The following CDH4 variants were observed in gnomAD, a reference collection of about 807,000 sequenced individuals.
CDH4 encodes cadherin-4.
In CDH4, 33 loss-of-function variants were observed where a neutral mutation model predicts 86.0. That is an observed-to-expected ratio of 0.38 (90% confidence interval 0.29 to 0.51). The LOEUF (loss-of-function observed/expected upper bound fraction) is 0.51, where lower values mean the gene tolerates loss of function less well. CDH4 is among the 20% of genes least tolerant of loss of function. The pLI is 0.86. For synonymous variants in CDH4, 555 were observed against 549.4 expected, an observed-to-expected ratio of 1.01 and a Z score of -0.14; for missense variants, 1,114 against 1,307.4, an observed-to-expected ratio of 0.85 and a Z score of 2.28.
At chr20:61,588,344 G>A (rs1260213893) in intron 2 of CDH4, among the ~76,000 whole-genome samples, 2 of 152,202 alleles carry the variant, frequency 1.3e-5, no homozygotes, top group South Asian at 2.1e-4. Context: ...GATTTGCAAC[G>A]CTGGTCCTGC....
At chr20:61,813,414 T>C (rs1028185861) in intron 4 of CDH4, among the ~76,000 whole-genome samples, 2 of 152,188 alleles carry the variant, frequency 1.3e-5, no homozygotes, top group African/African-American at 2.4e-5. Context: ...AGCTGGGGGA[T>C]GAAGTGAGCA....
intron 2 of CDH4, among the ~76,000 whole-genome samples, chr20:61,699,980 T>C (rs1341307843): frequency 1.3e-5 from 2 of 152,164 alleles, no homozygotes; most frequent in Non-Finnish European, 1.5e-5. Flanking sequence ...TGTGAGCAGG[T>C]GGCTGCTGAG....
chr20:61,278,477 A>G (rs1343731950), intron 2 of CDH4, among the ~76,000 whole-genome samples: 1 of 152,202 alleles, frequency 6.6e-6, no homozygotes, highest in East Asian at 1.9e-4. Context: ...ATGCACCTTT[A>G]TCACGGTCCG....
chr20:61,461,619 C>T (rs566176509), intron 2 of CDH4, among the ~76,000 whole-genome samples: 1 of 152,150 alleles, frequency 6.6e-6, no homozygotes, highest in South Asian at 2.1e-4. Flanking sequence ...GGGAGGTGGC[C>T]CGCAACGGGG....
Position 61,703,718 on chromosome 20 carries a change from C to T in CDH4, c.170-39845C>T, listed in dbSNP as rs374689395. 5.9e-5 allele frequency among the ~76,000 whole-genome samples: 9 copies of T among 152,190 alleles called. No individual in the cohort carries two copies. Among genetic ancestry groups the T allele is most frequent in the South Asian group, 2.1e-4 (1 of 4,832 alleles). ...GCCCTGGTGATGAGGTGGCTCCACT[C>T]GGGGCAGGGTTGAGGCTTTCTGTGT... On this transcript the variant is annotated intron_variant, in intron 2 of 15. Transcript: ENST00000614565. The surrounding 1 kb of genome is among the most constrained non-coding windows in gnomAD (Gnocchi z 4.3).
At chr20:61,456,138 G>A (rs1166172165) in intron 2 of CDH4, among the ~76,000 whole-genome samples, 1 of 152,280 alleles carries the variant, frequency 6.6e-6, no homozygotes, top group East Asian at 1.9e-4. Context: ...TGGATAGATA[G>A]GTAGGTGGGT....
intron 2 of CDH4, among the ~76,000 whole-genome samples, chr20:61,436,135 G>A (rs73318343): frequency 0.074 from 11,280 of 152,130 alleles, 680 homozygotes; most frequent in African/African-American, 0.16. Flanking sequence ...TGCCCTCCTC[G>A]ACTAGGTCAG....
intron 2 of CDH4, among the ~76,000 whole-genome samples, chr20:61,688,522 G>A (rs577234736): frequency 5.9e-5 from 9 of 152,358 alleles, no homozygotes; most frequent in African/African-American, 1.7e-4. Context: ...CCCCTGGACC[G>A]CACTCTGGGC....
chr20:61,934,704 C>A (rs2055158245), intron 15 of CDH4, among the ~76,000 whole-genome samples: 1 of 152,042 alleles, frequency 6.6e-6, no homozygotes, highest in Admixed American at 6.5e-5. Context: ...GGTCTCAGGG[C>A]CCAGGCCAAC....
At chr20:61,719,141 C>A in intron 2 of CDH4, 1 of 470,620 alleles carries the variant, frequency 2.1e-6, no homozygotes, top group Non-Finnish European at 4.4e-6. Flanking sequence ...AATGGCTTTG[C>A]ATCTGAAAGC....
Position 61,890,430 on chromosome 20 carries a change from TGACGGGTG to T in CDH4, c.1051-4477_1051-4470del, listed in dbSNP as rs200338963. ...GATGGATGGATGATGGATGGATAGA[TGACGGGTG>T]GATGGATGGATGGATAAATGGATGA... On this transcript the variant is annotated intron_variant, in intron 7 of 15. Coordinates refer to ENST00000614565, the MANE Select transcript of CDH4 (RefSeq NM_001794.5). Among the ~76,000 whole-genome samples the T allele has an allele frequency of 2.0e-5, 3 of 148,048 alleles. No individual in the cohort carries two copies. The East Asian group carries it at 6.2e-4, about 30-fold the overall frequency.
intron 6 of CDH4, among the ~76,000 whole-genome samples, chr20:61,858,548 T>C (rs1983175376): frequency 6.6e-6 from 1 of 151,690 alleles, no homozygotes; most frequent in African/African-American, 2.4e-5. Flanking sequence ...TGTGTGTGTG[T>C]CTGTGTCTGC....
chr20:61,679,195 C>T (rs558413562), intron 2 of CDH4, among the ~76,000 whole-genome samples: 3 of 152,190 alleles, frequency 2.0e-5, no homozygotes, highest in African/African-American at 7.2e-5. Context: ...CAGCGTCCAC[C>T]TTCCATCTCT....
At chr20:61,817,411 G>A (rs898889701) in intron 4 of CDH4, among the ~76,000 whole-genome samples, 3 of 152,186 alleles carry the variant, frequency 2.0e-5, no homozygotes, top group Non-Finnish European at 4.4e-5. Flanking sequence ...CAGTTGGTCC[G>A]GGAAGGCTTC....
chr20:61,817,153 C>G (rs1302700194), intron 4 of CDH4, among the ~76,000 whole-genome samples: 3 of 152,248 alleles, frequency 2.0e-5, no homozygotes, highest in Non-Finnish European at 4.4e-5. Flanking sequence ...ATACCTCTAT[C>G]CCCTACATCC....
chr20:61,537,296 C>T (rs1338803010), intron 2 of CDH4, among the ~76,000 whole-genome samples: 1 of 152,168 alleles, frequency 6.6e-6, no homozygotes, highest in Non-Finnish European at 1.5e-5. Context: ...ACTTATCCTT[C>T]ATTGCTTGCA....
intron 2 of CDH4, among the ~76,000 whole-genome samples, chr20:61,668,863 T>G (rs2087355428): frequency 6.6e-6 from 1 of 152,190 alleles, no homozygotes; most frequent in African/African-American, 2.4e-5. Flanking sequence ...GAAAACGTAC[T>G]TAGGATCCAC....
At chr20:61,562,489 A>G (rs1184629419) in intron 2 of CDH4, among the ~76,000 whole-genome samples, 1 of 152,180 alleles carries the variant, frequency 6.6e-6, no homozygotes, top group Non-Finnish European at 1.5e-5. Flanking sequence ...CGCTTCTTTC[A>G]TCTTCAGGAC....
intron 4 of CDH4, among the ~76,000 whole-genome samples, chr20:61,821,013 C>A (rs908679455): frequency 6.6e-6 from 1 of 151,920 alleles, no homozygotes; most frequent in Non-Finnish European, 1.5e-5. Flanking sequence ...CTAGGATTTG[C>A]GGGGCAGTTC....
Sources: gnomAD v4.1 joint callset for allele counts (sites outside exome capture counted in the v4.1 genomes callset) on GRCh38, gnomAD v4.1.1 for gene constraint, Gnocchi (gnomAD v3.1) non-coding constraint, MANE v1.5 for transcripts, NCBI Gene and HGNC (gene_info 2026-07-23, HGNC 2026-07-21) for gene names.